Variants in FOXJ3 observed in about 807,000 individuals in gnomAD.
FOXJ3 encodes the protein forkhead box protein J3.
A neutral mutation model predicts 76.1 loss-of-function variants in FOXJ3; 22 were observed. That is an observed-to-expected ratio of 0.29 (90% confidence interval 0.21 to 0.41). FOXJ3 has a LOEUF of 0.41. FOXJ3 is among the 10% of genes least tolerant of loss of function. FOXJ3 has a pLI of 1.00. For synonymous variants in FOXJ3, 269 were observed against 261.2 expected (o/e 1.03, Z -0.29); for missense variants, 613 against 762.1 (o/e 0.80, Z 2.30).
chr1:42,288,232 TAAG>T (rs921459154), intron 2 of FOXJ3, among the ~76,000 whole-genome samples: 5 of 152,358 alleles, frequency 3.3e-5, no homozygotes, highest in South Asian at 2.1e-4. Context: ...GTCTTTCGCA[TAAG>T]AAGATTCAAC....
At chr1:42,229,319 T>C (rs558092642) in intron 4 of FOXJ3, among the ~76,000 whole-genome samples, 1 of 152,328 alleles carries the variant, frequency 6.6e-6, no homozygotes, top group South Asian at 2.1e-4. Context: ...AAATTCCTTA[T>C]GGATAGGGAC....
At chr1:42,223,370 G>T (rs1288732103) in intron 5 of FOXJ3, among the ~76,000 whole-genome samples, 1 of 152,122 alleles carries the variant, frequency 6.6e-6, no homozygotes, top group East Asian at 1.9e-4. Flanking sequence ...CAAAGTAAAA[G>T]TCCTGATCTC....
intron 1 of FOXJ3, among the ~76,000 whole-genome samples, chr1:42,314,409 T>C (rs1300340769): frequency 6.6e-6 from 1 of 152,170 alleles, no homozygotes. Context: ...CACCACCATG[T>C]CTGGCTACTT....
intron 4 of FOXJ3, among the ~76,000 whole-genome samples, chr1:42,257,847 C>A (rs1433118142): frequency 1.3e-5 from 2 of 152,056 alleles, no homozygotes; most frequent in Non-Finnish European, 2.9e-5. Flanking sequence ...TTTATTACTT[C>A]AAATAAAGTG....
At chr1:42,280,004 G>T (rs1299378640) in intron 2 of FOXJ3, among the ~76,000 whole-genome samples, 7 of 152,076 alleles carry the variant, frequency 4.6e-5, no homozygotes, top group African/African-American at 1.7e-4. Context: ...GGAAGACCCA[G>T]AGTCTAAGTA....
chr1:42,210,361 T>C (rs1313472883), intron 5 of FOXJ3, among the ~76,000 whole-genome samples: 2 of 152,144 alleles, frequency 1.3e-5, no homozygotes, highest in African/African-American at 4.8e-5. Context: ...GAAAGCTCCA[T>C]GGCCCTGCCT....
intron 2 of FOXJ3, among the ~76,000 whole-genome samples, chr1:42,287,208 C>T (rs954738410): frequency 1.3e-5 from 2 of 151,606 alleles, no homozygotes; most frequent in Non-Finnish European, 2.9e-5. Context: ...GGCATGGTGG[C>T]ATGCATCTGT....
intron 2 of FOXJ3, among the ~76,000 whole-genome samples, chr1:42,290,883 G>GGATATC (rs1653372370): frequency 6.6e-6 from 1 of 151,946 alleles, no homozygotes; most frequent in Non-Finnish European, 1.5e-5. Context: ...AGCAGATATG[G>GGATATC]GATATCAGGC....
At chr1:42,284,666 T>C (rs1652937756) in intron 2 of FOXJ3, among the ~76,000 whole-genome samples, 1 of 152,196 alleles carries the variant, frequency 6.6e-6, no homozygotes, top group Non-Finnish European at 1.5e-5. Flanking sequence ...ACAAAGGTAA[T>C]GTTAAGGTGT....
intron 2 of FOXJ3, among the ~76,000 whole-genome samples, chr1:42,305,732 A>G (rs1428070300): frequency 6.6e-6 from 1 of 152,210 alleles, no homozygotes; most frequent in Non-Finnish European, 1.5e-5. Context: ...GCGGGGTATC[A>G]GGGAGAGTGA....
At chr1:42,186,667 G>A (rs905411151) in intron 11 of FOXJ3, among the ~76,000 whole-genome samples, 1 of 152,138 alleles carries the variant, frequency 6.6e-6, no homozygotes, top group Non-Finnish European at 1.5e-5. Flanking sequence ...AATCTAGAAG[G>A]AGTGCCTGGG....
At chr1:42,255,198 A>G (rs894520293) in intron 4 of FOXJ3, among the ~76,000 whole-genome samples, 1 of 152,198 alleles carries the variant, frequency 6.6e-6, no homozygotes, top group Admixed American at 6.5e-5. Flanking sequence ...AGATAAACGA[A>G]ATTATACTGT....
chr1:42,318,487 A>G (rs536367232), intron 1 of FOXJ3, among the ~76,000 whole-genome samples: 1 of 152,110 alleles, frequency 6.6e-6, no homozygotes, highest in Non-Finnish European at 1.5e-5. Context: ...GATTACAGGC[A>G]TGCACCACCA....
rs1353241157 is a variant in FOXJ3, at chr1:42,195,041, G to C, written c.783C>G (p.Val261=). The change falls in exon 8 of 13, where the codon GTC becomes GTG. Residue 261 remains valine (V), a synonymous_variant. Coordinates refer to ENST00000361346, the MANE Select transcript of FOXJ3 (RefSeq NM_014947.5). ...GCTGCTGAGGAGTTAATGATTGAGA[G>C]ACTGATTCTGGATGGCTTGTCACCT... ...YTPVTSHPES[V]SQSLTPQQQP... The C allele has an allele frequency of 2.5e-6, 4 of 1,607,176 alleles. No individual in the cohort carries two copies. The highest frequency in any genetic ancestry group is 3.4e-6 in the Non-Finnish European group (4 of 1,177,734).
chr1:42,333,694 G>A (rs1656293482), intron 1 of FOXJ3, among the ~76,000 whole-genome samples: 1 of 152,066 alleles, frequency 6.6e-6, no homozygotes, highest in African/African-American at 2.4e-5. Context: ...AACAGAAGAT[G>A]GAAACCCTAA....
chr1:42,198,300 A>G (rs1184949701), intron 7 of FOXJ3, among the ~76,000 whole-genome samples: 1 of 152,036 alleles, frequency 6.6e-6, no homozygotes, highest in Non-Finnish European at 1.5e-5. Context: ...TTTTCCCTAC[A>G]TTCAATGTGA....
intron 4 of FOXJ3, among the ~76,000 whole-genome samples, chr1:42,228,416 A>G (rs973489945): frequency 1.3e-5 from 2 of 152,142 alleles, no homozygotes; most frequent in Non-Finnish European, 2.9e-5. Context: ...GTTCCTGAGA[A>G]GCAATGATAC....
In FOXJ3 at chr1:42,335,082, G is replaced by T. The variant is rs1656402491; in HGVS notation, c.-41C>A. 6.6e-6 allele frequency: 1 copy of T among 152,138 alleles called. No homozygotes were observed. Among genetic ancestry groups the T allele is most frequent in the African/African-American group, 2.4e-5 (1 of 41,400 alleles). 9.4% of individuals were successfully genotyped at this position (152,138 alleles called of 1,614,324 possible). On this transcript the variant is annotated 5_prime_UTR_variant, in exon 1 of 13. Transcript: ENST00000361346. ...ACCTCAGGCTGCGCAGGCCGGGACGGCCCGGCCGAGCCCCCGGCCGCTCCG... is the reference window on the plus strand; with the variant it reads ...ACCTCAGGCTGCGCAGGCCGGGACGTCCCGGCCGAGCCCCCGGCCGCTCCG...
At chr1:42,315,497 C>T (rs1221466428) in intron 1 of FOXJ3, 1 of 578,182 alleles carries the variant, frequency 1.7e-6, no homozygotes, top group African/African-American at 2.0e-5. Context: ...AATAAGTTAC[C>T]ATTTACTATC....
Sources: gnomAD v4.1 joint callset for allele counts (sites outside exome capture counted in the v4.1 genomes callset) on GRCh38, gnomAD v4.1.1 for gene constraint, MANE v1.5 for transcripts, NCBI Gene and HGNC (gene_info 2026-07-23, HGNC 2026-07-21) for gene names.